Variants in PRKACB observed in about 807,000 individuals in gnomAD.
PRKACB encodes protein kinase cAMP-activated catalytic subunit beta.
In PRKACB, 16 loss-of-function variants were observed where a neutral mutation model predicts 51.4. The ratio of observed to expected loss-of-function variants is 0.31; its 90% CI spans 0.21 to 0.47. The LOEUF is 0.47. PRKACB is among the 20% of genes least tolerant of loss of function. The pLI is 1.00. For synonymous variants in PRKACB, 147 were observed against 154.4 expected (o/e 0.95, Z 0.35); for missense variants, 309 against 464.5 (o/e 0.67, Z 3.08).
intron 1 of PRKACB, among the ~76,000 whole-genome samples, chr1:84,117,683 G>A (rs74386796): frequency 4.6e-5 from 7 of 151,686 alleles, no homozygotes; most frequent in Non-Finnish European, 7.4e-5. Flanking sequence ...TTGCATCTTC[G>A]CTTTTCTTGG....
At chr1:84,190,899 C>T (rs772999329) in intron 5 of PRKACB, among the ~76,000 whole-genome samples, 11 of 151,926 alleles carry the variant, frequency 7.2e-5, no homozygotes, top group Non-Finnish European at 1.5e-4. Context: ...TTTCTCCATC[C>T]CTTTACTTTG....
intron 1 of PRKACB, chr1:84,175,863 GA>G: frequency 2.3e-6 from 3 of 1,281,798 alleles, no homozygotes; most frequent in South Asian, 1.8e-5. Context: ...CATACAAACA[GA>G]AAAAATATAT....
At chr1:84,139,690 G>T (rs1249232444), upstream of PRKACB, among the ~76,000 whole-genome samples, 1 of 152,150 alleles carries the variant, frequency 6.6e-6, no homozygotes, top group East Asian at 1.9e-4. Context: ...GATTATATTT[G>T]TAGACATAGA....
At chr1:84,161,569 G>T (rs912473088) in intron 1 of PRKACB, among the ~76,000 whole-genome samples, 1 of 151,422 alleles carries the variant, frequency 6.6e-6, no homozygotes, top group African/African-American at 2.4e-5. Context: ...TATTACGTAT[G>T]TTTTAATTAT....
chr1:84,111,799 A>G (rs753270656), intron 1 of PRKACB, among the ~76,000 whole-genome samples: 6 of 152,122 alleles, frequency 3.9e-5, no homozygotes, highest in Non-Finnish European at 5.9e-5. Flanking sequence ...AAGGCAGAGT[A>G]AAAGACATAA....
chr1:84,131,740 A>G (rs1191284296), intron 1 of PRKACB, among the ~76,000 whole-genome samples: 1 of 152,180 alleles, frequency 6.6e-6, no homozygotes, highest in Admixed American at 6.5e-5. Context: ...GGAGCCATAA[A>G]TTGGTGGGAA....
intron 1 of PRKACB, among the ~76,000 whole-genome samples, chr1:84,127,388 GA>G (rs1250202369): frequency 2.0e-5 from 3 of 151,828 alleles, no homozygotes; most frequent in Non-Finnish European, 2.9e-5. Context: ...TTGTTGGAAA[GA>G]AAAAAAATTG....
intron 1 of PRKACB, among the ~76,000 whole-genome samples, chr1:84,102,632 T>C (rs919693543): frequency 2.0e-5 from 3 of 152,114 alleles, no homozygotes; most frequent in African/African-American, 4.8e-5. Flanking sequence ...ATTGTATTAA[T>C]GTTGATTGAA....
At chr1:84,155,143 C>G (rs559114510) in intron 1 of PRKACB, among the ~76,000 whole-genome samples, 2 of 151,966 alleles carry the variant, frequency 1.3e-5, no homozygotes, top group Non-Finnish European at 2.9e-5. Flanking sequence ...CCTGAAGACT[C>G]TACCAAAAAA....
intron 9 of PRKACB, among the ~76,000 whole-genome samples, chr1:84,234,243 G>T (rs1178735399): frequency 6.6e-6 from 1 of 152,210 alleles, no homozygotes; most frequent in Non-Finnish European, 1.5e-5. Flanking sequence ...AGGGGTCAGG[G>T]ACCCACTTGA....
At position 84,149,469 on chromosome 1, in the gene PRKACB, C is replaced by T. The variant is rs567960647; in HGVS notation, c.187+4921C>T. On this transcript the variant is annotated intron_variant, in intron 1 of 9. Transcript: ENST00000370685. ...AGAGGTGGAGTTTCACCATGTTGCC[C>T]AGGTCGATCTTGAACTCCTGAACTC... Among the ~76,000 whole-genome samples the T allele has an allele frequency of 6.6e-5, 10 of 152,104 alleles. No homozygotes were observed. The South Asian group carries it at 1.9e-3, about 28-fold the overall frequency.
upstream of PRKACB, among the ~76,000 whole-genome samples, chr1:84,139,508 T>C (rs1414089700): frequency 2.0e-5 from 3 of 152,124 alleles, no homozygotes; most frequent in African/African-American, 7.2e-5. Flanking sequence ...TAGGTATAAA[T>C]CTAACAAAAT....
intron 1 of PRKACB, among the ~76,000 whole-genome samples, chr1:84,177,283 A>G (rs568250668): frequency 2.0e-5 from 3 of 152,112 alleles, no homozygotes; most frequent in African/African-American, 4.8e-5. Context: ...TTATGTTTTT[A>G]ATTTAATTTA....
chr1:84,155,949 A>C (rs1339688242), intron 1 of PRKACB, among the ~76,000 whole-genome samples: 1 of 152,090 alleles, frequency 6.6e-6, no homozygotes, highest in African/African-American at 2.4e-5. Flanking sequence ...CATTCCAAGG[A>C]GACTAATTTG....
intron 1 of PRKACB, among the ~76,000 whole-genome samples, chr1:84,113,195 G>T (rs1318862180): frequency 1.3e-5 from 2 of 152,136 alleles, no homozygotes; most frequent in Non-Finnish European, 2.9e-5. Context: ...AAGTCACGTA[G>T]TATCACATAT....
intron 8 of PRKACB, chr1:84,204,448 ACTT>A (rs1671010807): frequency 6.7e-7 from 1 of 1,483,178 alleles, no homozygotes; most frequent in Non-Finnish European, 9.4e-7. Context: ...CTGGCTTCAG[ACTT>A]CTTATCTTTG....
intron 1 of PRKACB, among the ~76,000 whole-genome samples, chr1:84,145,166 A>C (rs1653880338): frequency 6.6e-6 from 1 of 152,164 alleles, no homozygotes; most frequent in Admixed American, 6.5e-5. Context: ...CATGAATCAC[A>C]TTCTTTCAGG....
intron 1 of PRKACB, among the ~76,000 whole-genome samples, chr1:84,099,936 G>A (rs1383314813): frequency 2.6e-5 from 4 of 152,062 alleles, no homozygotes; most frequent in Non-Finnish European, 4.4e-5. Flanking sequence ...GTCAGTCTGT[G>A]GACAACTAGA....
chr1:84,188,351 T>C (rs1445020555), intron 5 of PRKACB, among the ~76,000 whole-genome samples: 2 of 151,830 alleles, frequency 1.3e-5, no homozygotes, highest in African/African-American at 2.4e-5. Flanking sequence ...TGGAAATTTT[T>C]ATTTAGTCTA....
Sources: gnomAD v4.1 joint callset for allele counts (sites outside exome capture counted in the v4.1 genomes callset) on GRCh38, gnomAD v4.1.1 for gene constraint, MANE v1.5 for transcripts, NCBI Gene and HGNC (gene_info 2026-07-23, HGNC 2026-07-21) for gene names.